ELAVL1: variants seen among roughly 807,000 people sequenced by gnomAD.
ELAVL1 encodes ELAV like RNA binding protein 1, also known as ELAV-like protein 1.
ELAVL1 carries 1 observed loss-of-function variant against 28.4 expected under a neutral mutation model. The ratio of observed to expected loss-of-function variants is 0.04; its 90% confidence interval spans 0.01 to 0.17. The LOEUF is 0.17. ELAVL1 is among the 10% of genes least tolerant of loss of function. The pLI is 1.00. For missense variants in ELAVL1, 157 were observed against 447.2 expected, an observed-to-expected ratio of 0.35 and a Z score of 5.85; for synonymous variants, 174 against 183.5, an observed-to-expected ratio of 0.95 and a Z score of 0.42.
intron 4 of ELAVL1, chr19:7,972,960 C>A (rs1985161522): frequency 6.6e-6 from 1 of 151,656 alleles, no homozygotes; most frequent in Admixed American, 6.6e-5. Context: ...TTACAGGCGC[C>A]TGCCACCACA....
chr19:7,972,435 C>T (rs1985141116), intron 4 of ELAVL1, among the ~76,000 whole-genome samples: 1 of 152,234 alleles, frequency 6.6e-6, no homozygotes, highest in Non-Finnish European at 1.5e-5. Context: ...CCAAGACGGA[C>T]TGGGAGGGCC....
chr19:7,989,500 A>G (rs926669856), intron 2 of ELAVL1, among the ~76,000 whole-genome samples: 7 of 152,234 alleles, frequency 4.6e-5, no homozygotes, highest in Non-Finnish European at 1.0e-4. Context: ...CATAGCTCAC[A>G]TTCCTGTGAA....
In ELAVL1 at chr19:7,981,064, G is replaced by A. The variant is rs1985448875; in HGVS notation, c.276+19C>T. 12 of 1,611,790 alleles carry A rather than the reference G, an allele frequency of 7.4e-6. No homozygotes were observed. The highest frequency in any genetic ancestry group is 1.0e-5 in the Non-Finnish European group (12 of 1,178,074). On this transcript the variant is annotated intron_variant, in intron 3 of 5. Coordinates refer to ENST00000407627, the MANE Select transcript of ELAVL1 (RefSeq NM_001419.3). This position sits in a 1 kb window ranked among gnomAD's most constrained non-coding sequence, Gnocchi z 4.2. ...TGCCCAGGGCAGGAATGGATGCGGT[G>A]GTGATCAGATCCCTTTACCTTAATG...
chr19:7,971,867 G>A (rs914642489), intron 4 of ELAVL1, among the ~76,000 whole-genome samples: 35 of 152,210 alleles, frequency 2.3e-4, no homozygotes, highest in Non-Finnish European at 3.2e-4. Flanking sequence ...TGATAAGGCC[G>A]CCCACCCCAA....
rs151232947 is a variant in ELAVL1 at position 7,979,092 on chromosome 19, C to T, written c.276+1991G>A. Among the ~76,000 whole-genome samples the T allele has an allele frequency of 1.3e-5, 2 of 152,176 alleles. No individual in the cohort carries two copies. Among genetic ancestry groups the T allele is most frequent in the Admixed American group, 1.3e-4 (2 of 15,286 alleles). On this transcript the variant is annotated intron_variant, in intron 3 of 5. Coordinates refer to ENST00000407627, the MANE Select transcript of ELAVL1 (RefSeq NM_001419.3). The surrounding 1 kb of genome is among the most constrained non-coding windows in gnomAD (Gnocchi z 5.4). ...TGGAGCACAGAGGACCCCAGGGCTG[C>T]GCCGGGGGAACTGCTAGAGGAGCCA... is the stretch of plus-strand genomic sequence containing the variant.
At chr19:7,986,859 T>G (rs1985615359) in intron 2 of ELAVL1, among the ~76,000 whole-genome samples, 1 of 152,180 alleles carries the variant, frequency 6.6e-6, no homozygotes. Context: ...CGTGGCTGCT[T>G]ATGGCCATGA....
At chr19:8,005,420 C>CGGCCA (rs1222708425) in intron 1 of ELAVL1, 75 bp downstream of exon 1, 2 of 146,482 alleles carry the variant, frequency 1.4e-5, no homozygotes, top group East Asian at 3.9e-4. Flanking sequence ...GGGCGCCCCG[C>CGGCCA]GGCCAGGCCA....
intron 2 of ELAVL1, among the ~76,000 whole-genome samples, chr19:7,991,294 CACACGTGGG>C (rs1834189011): frequency 6.6e-6 from 1 of 152,194 alleles, no homozygotes; most frequent in Admixed American, 6.5e-5. Context: ...GGGTCCCTTC[CACACGTGGG>C]ACCCAATCAA....
intron 1 of ELAVL1, among the ~76,000 whole-genome samples, chr19:7,998,169 T>C (rs561912941): frequency 6.6e-6 from 1 of 152,228 alleles, no homozygotes; most frequent in Non-Finnish European, 1.5e-5. Flanking sequence ...CTGGAGGCCC[T>C]TCCCTTGACC....
chr19:7,967,542 G>A (rs1262403643), intron 5 of ELAVL1, 23 bp downstream of exon 5: 1 of 1,609,800 alleles, frequency 6.2e-7, no homozygotes, highest in South Asian at 1.1e-5. Flanking sequence ...TGGCTTTCAG[G>A]AGCGCGCACC....
At chr19:7,999,339 C>G (rs2081059696) in intron 1 of ELAVL1, among the ~76,000 whole-genome samples, 3 of 152,168 alleles carry the variant, frequency 2.0e-5, no homozygotes, top group Admixed American at 2.0e-4. Flanking sequence ...CGCCACTGCA[C>G]TCCAGCCTGG....
intron 1 of ELAVL1, among the ~76,000 whole-genome samples, chr19:7,998,631 C>A (rs1259018228): frequency 1.3e-5 from 2 of 152,142 alleles, no homozygotes; most frequent in Non-Finnish European, 2.9e-5. Flanking sequence ...CTTCACTTCC[C>A]AGCTCATTTT....
intron 1 of ELAVL1, among the ~76,000 whole-genome samples, chr19:7,995,007 A>G (rs1236026682): frequency 1.3e-5 from 2 of 152,196 alleles, no homozygotes; most frequent in Non-Finnish European, 2.9e-5. Flanking sequence ...GGTTCATAAG[A>G]GTATAAAACT....
intron 3 of ELAVL1, among the ~76,000 whole-genome samples, chr19:7,977,976 C>G (rs1191589621): frequency 1.3e-5 from 2 of 152,262 alleles, no homozygotes; most frequent in African/African-American, 4.8e-5. Flanking sequence ...GGCTAACTCC[C>G]TCTCCTCCTC....
chr19:7,981,210 T>C lies in ELAVL1; in HGVS notation c.173-24A>G, dbSNP rs1033310479. 1.9e-5 allele frequency: 30 copies of C among 1,613,384 alleles called. No homozygotes were observed. The highest frequency in any genetic ancestry group is 5.5e-5 in the South Asian group (5 of 91,076). ...TCCTGTGCAAGAGAACATGAAGACA[T>C]TGGTAAGCCAACCGTCTGCGAGTGA... is the stretch of plus-strand genomic sequence containing the variant. On this transcript the variant is annotated intron_variant, in intron 2 of 5. Transcript: ENST00000407627. The surrounding 1 kb of genome is among the most constrained non-coding windows in gnomAD (Gnocchi z 4.2).
intron 1 of ELAVL1, 29 bp from the exon 2 acceptor site, chr19:7,991,860 C>A (rs773691233): frequency 2.6e-6 from 4 of 1,557,498 alleles, no homozygotes; most frequent in African/African-American, 1.4e-5. Flanking sequence ...CAAGTAAATT[C>A]AAAATGTTCA....
intron 2 of ELAVL1, among the ~76,000 whole-genome samples, chr19:7,989,363 T>C (rs1985694136): frequency 6.6e-6 from 1 of 152,204 alleles, no homozygotes; most frequent in African/African-American, 2.4e-5. Context: ...AGTTACTAAC[T>C]ACTGTCCAAA....
intron 4 of ELAVL1, 32 bp downstream of exon 4, chr19:7,973,693 C>A (rs780411863): frequency 3.4e-5 from 55 of 1,598,334 alleles, no homozygotes; most frequent in African/African-American, 1.3e-5. Context: ...CTAGAGAACA[C>A]CCTCCCCACG....
At chr19:7,976,093 T>TA (rs879767762) in intron 3 of ELAVL1, among the ~76,000 whole-genome samples, 343 of 136,602 alleles carry the variant, frequency 2.5e-3, no homozygotes, top group Middle Eastern at 8.0e-3. Flanking sequence ...GTCCTGTCTT[T>TA]AAAAAAAAAA....
Sources: gnomAD v4.1 joint callset for allele counts (sites outside exome capture counted in the v4.1 genomes callset) on GRCh38, gnomAD v4.1.1 for gene constraint, Gnocchi (gnomAD v3.1) non-coding constraint, MANE v1.5 for transcripts, NCBI Gene and HGNC (gene_info 2026-07-23, HGNC 2026-07-21) for gene names.